The following B3GALT1 variants were observed in gnomAD, a reference collection of about 807,000 sequenced individuals.
B3GALT1 encodes beta-1,3-galactosyltransferase 1, also known as UDP-Gal:betaGlcNAc beta 1,3-galactosyltransferase, polypeptide 1.
A neutral mutation model predicts 23.2 loss-of-function variants in B3GALT1; 10 were observed. That is an observed-to-expected ratio of 0.43 (90% CI 0.27 to 0.73). B3GALT1 has a LOEUF of 0.73. Ranked by LOEUF, B3GALT1 falls within the 30% of genes least tolerant of loss-of-function variation. The pLI is 0.21. For synonymous variants in B3GALT1, 156 were observed against 141.5 expected, an observed-to-expected ratio of 1.10 and a Z score of -0.73; for missense variants, 299 against 405.4, an observed-to-expected ratio of 0.74 and a Z score of 2.25.
intron 1 of B3GALT1, among the ~76,000 whole-genome samples, chr2:167,321,771 C>A (rs1449785151): frequency 6.6e-6 from 1 of 151,972 alleles, no homozygotes; most frequent in African/African-American, 2.4e-5. Context: ...ACCCCATATC[C>A]CATTTTAACT....
At chr2:167,779,628 C>T (rs1407311803) in intron 3 of B3GALT1, among the ~76,000 whole-genome samples, 17 of 152,132 alleles carry the variant, frequency 1.1e-4, no homozygotes, top group Admixed American at 7.9e-4. Flanking sequence ...CATGCTCTGA[C>T]GGACTATTAG....
At chr2:167,357,438 CAT>C (rs1697434108) in intron 1 of B3GALT1, among the ~76,000 whole-genome samples, 1 of 152,026 alleles carries the variant, frequency 6.6e-6, no homozygotes, top group African/African-American at 2.4e-5. Flanking sequence ...AAAATGCCGA[CAT>C]ATAATTGTAC....
At chr2:167,300,391 A>G (rs1488192810) in intron 1 of B3GALT1, among the ~76,000 whole-genome samples, 1 of 152,238 alleles carries the variant, frequency 6.6e-6, no homozygotes, top group Admixed American at 6.5e-5. Context: ...ATATTCACAT[A>G]TATACATACA....
intron 3 of B3GALT1, among the ~76,000 whole-genome samples, chr2:167,789,910 C>A (rs145878934): frequency 6.6e-6 from 1 of 152,094 alleles, no homozygotes; most frequent in East Asian, 1.9e-4. Context: ...GGTGACCGTG[C>A]GGTAGGCCCA....
At chr2:167,562,607 A>T (rs1266564130) in intron 2 of B3GALT1, among the ~76,000 whole-genome samples, 1 of 152,052 alleles carries the variant, frequency 6.6e-6, no homozygotes, top group Non-Finnish European at 1.5e-5. Context: ...ACTTCAGCAA[A>T]GTCTCAGGAT....
At chr2:167,464,353 A>C (rs1699313110) in intron 1 of B3GALT1, among the ~76,000 whole-genome samples, 1 of 152,198 alleles carries the variant, frequency 6.6e-6, no homozygotes, top group Non-Finnish European at 1.5e-5. Flanking sequence ...AGAAGAATTG[A>C]GTTTACCCTA....
chr2:167,351,868 T>C (rs1434055045), intron 1 of B3GALT1, among the ~76,000 whole-genome samples: 2 of 152,012 alleles, frequency 1.3e-5, no homozygotes, highest in African/African-American at 4.8e-5. Context: ...ACACAGGTAA[T>C]AAACTAATGT....
chr2:167,610,801 T>C (rs1479140153), intron 2 of B3GALT1, among the ~76,000 whole-genome samples: 3 of 151,180 alleles, frequency 2.0e-5, no homozygotes, highest in Non-Finnish European at 4.4e-5. Flanking sequence ...CAACCAAACC[T>C]GTGTCTTAAG....
At chr2:167,435,814 C>T (rs1407878703) in intron 1 of B3GALT1, among the ~76,000 whole-genome samples, 2 of 152,070 alleles carry the variant, frequency 1.3e-5, no homozygotes, top group East Asian at 1.9e-4. Flanking sequence ...TAACTGACAT[C>T]CTTGTAAGTG....
At chr2:167,325,722 T>C (rs1379776343) in intron 1 of B3GALT1, among the ~76,000 whole-genome samples, 4 of 125,528 alleles carry the variant, frequency 3.2e-5, no homozygotes, top group African/African-American at 1.2e-4. Flanking sequence ...TTTTTTTTTT[T>C]TTTTTCTTTT....
At chr2:167,367,446 C>T (rs1697605736) in intron 1 of B3GALT1, among the ~76,000 whole-genome samples, 1 of 152,110 alleles carries the variant, frequency 6.6e-6, no homozygotes, top group Admixed American at 6.5e-5. Context: ...GATAGAGAGA[C>T]AAGAGAATAG....
intron 1 of B3GALT1, among the ~76,000 whole-genome samples, chr2:167,444,855 C>G (rs1291033251): frequency 6.6e-6 from 1 of 152,082 alleles, no homozygotes; most frequent in African/African-American, 2.4e-5. Context: ...TTTTTTGTGT[C>G]TGTATCTCCT....
intron 1 of B3GALT1, among the ~76,000 whole-genome samples, chr2:167,464,742 A>T (rs1445647252): frequency 6.6e-6 from 1 of 152,204 alleles, no homozygotes; most frequent in Non-Finnish European, 1.5e-5. Flanking sequence ...CAAAATATCA[A>T]TGTAGGGAGG....
chr2:167,591,222 T>C (rs1684673233), intron 2 of B3GALT1, among the ~76,000 whole-genome samples: 1 of 152,138 alleles, frequency 6.6e-6, no homozygotes, highest in African/African-American at 2.4e-5. Flanking sequence ...AAAGTCTTAC[T>C]GTAAAGATGA....
chr2:167,555,352 C>G lies in B3GALT1; in HGVS notation c.-410+65075C>G, dbSNP rs182307516. Among the ~76,000 whole-genome samples the G allele has an allele frequency of 1.2e-4, 19 of 152,286 alleles. No individual in the cohort carries two copies. The East Asian group carries it at 3.7e-3, about 29-fold the overall frequency. On this transcript the variant is annotated intron_variant, in intron 2 of 4. Transcript: ENST00000392690. ...TCTGAGTTCAGAAGTAACTTGCCCT[C>G]AGGTCACACGACTCCTCATAAGCTG...
At chr2:167,794,913 A>G (rs1055318522) in intron 3 of B3GALT1, among the ~76,000 whole-genome samples, 1 of 152,190 alleles carries the variant, frequency 6.6e-6, no homozygotes, top group Admixed American at 6.5e-5. Flanking sequence ...ATATCAAGAT[A>G]AAAAAGAAAT....
chr2:167,439,052 G>A (rs911209374), intron 1 of B3GALT1, among the ~76,000 whole-genome samples: 1 of 152,154 alleles, frequency 6.6e-6, no homozygotes, highest in Non-Finnish European at 1.5e-5. Context: ...ATATTCAAAG[G>A]CAATCATGAG....
chr2:167,831,243 C>G (rs930800986), intron 4 of B3GALT1, among the ~76,000 whole-genome samples: 3 of 152,220 alleles, frequency 2.0e-5, no homozygotes, highest in Admixed American at 2.0e-4. Flanking sequence ...TAATTCAGCG[C>G]TCCCACAGTT....
chr2:167,681,269 C>G (rs1316249163), intron 3 of B3GALT1, among the ~76,000 whole-genome samples: 1 of 152,054 alleles, frequency 6.6e-6, no homozygotes, highest in African/African-American at 2.4e-5. Context: ...TTTTTTTAAT[C>G]TATCCCAAAA....
Sources: allele counts gnomAD v4.1 joint callset (sites outside exome capture counted in the v4.1 genomes callset), GRCh38; gene constraint gnomAD v4.1.1; transcripts MANE v1.5; gene names NCBI Gene and HGNC (gene_info 2026-07-23, HGNC 2026-07-21).